The following RASGRF2 variants were observed in gnomAD, a reference collection of about 807,000 sequenced individuals.
The protein encoded by RASGRF2 is ras-specific guanine nucleotide-releasing factor 2.
A neutral mutation model predicts 151.0 loss-of-function variants in RASGRF2; 76 were observed. That is an observed-to-expected ratio of 0.50 (90% confidence interval 0.42 to 0.61). The LOEUF (loss-of-function observed/expected upper bound fraction) is 0.61. Ranked by LOEUF, RASGRF2 falls within the 20% of genes least tolerant of loss-of-function variation. The pLI, the probability that RASGRF2 is intolerant of heterozygous loss-of-function variation, is 0.00. For missense variants in RASGRF2, 1,148 were observed against 1,564.6 expected (o/e 0.73, Z 4.49); for synonymous variants, 504 against 566.5 (o/e 0.89, Z 1.57).
At chr5:81,178,923 A>G (rs1036647979) in intron 17 of RASGRF2, among the ~76,000 whole-genome samples, 2 of 152,122 alleles carry the variant, frequency 1.3e-5, no homozygotes, top group Non-Finnish European at 2.9e-5. Flanking sequence ...TATTTTTAAT[A>G]GAGACGGGGT....
At chr5:81,102,045 A>G (rs994452049) in intron 12 of RASGRF2, among the ~76,000 whole-genome samples, 1 of 152,240 alleles carries the variant, frequency 6.6e-6, no homozygotes, top group African/African-American at 2.4e-5. Context: ...ATATAAAATC[A>G]TTAAAATTAA....
At chr5:81,061,718 C>T (rs1751438976) in intron 2 of RASGRF2, among the ~76,000 whole-genome samples, 1 of 151,832 alleles carries the variant, frequency 6.6e-6, no homozygotes, top group Non-Finnish European at 1.5e-5. Context: ...GATAGGGTCT[C>T]ATTTTGTCAC....
chr5:81,194,466 T>TA lies in RASGRF2; in HGVS notation c.2794-6860dup, dbSNP rs573193148. Among the ~76,000 whole-genome samples, 301 of 152,040 alleles carry TA rather than the reference T, an allele frequency of 2.0e-3. 1 individual carries two copies. The highest frequency in any genetic ancestry group is 7.0e-3 in the African/African-American group (292 of 41,478). ...TCTTTTTTTTTTTAACTGATCCAGG[T>TA]AAAATGCTAATTTTCCTAATTATTT... is the stretch of plus-strand genomic sequence containing the variant. On this transcript the variant is annotated intron_variant, in intron 18 of 26. Transcript: ENST00000265080.
rs918487365 is a variant in RASGRF2, at chr5:80,966,472, G to A, written c.288+5446G>A. Among the ~76,000 whole-genome samples, 3 of 152,062 alleles carry A rather than the reference G, an allele frequency of 2.0e-5. No homozygotes were observed. In the East Asian group the frequency reaches 5.8e-4, roughly 29 times the overall value. On this transcript the variant is annotated intron_variant, in intron 1 of 26. Coordinates refer to ENST00000265080, the MANE Select transcript of RASGRF2 (RefSeq NM_006909.3). ...ATGTTTGATTATTTTATAACATTTG[G>A]CCTTTATTCTAAAATCTAACCATTA...
chr5:81,072,581 A>C (rs2112461717), intron 4 of RASGRF2, among the ~76,000 whole-genome samples: 1 of 152,358 alleles, frequency 6.6e-6, no homozygotes, highest in East Asian at 1.9e-4. Flanking sequence ...AATCCTAGTT[A>C]ATTATGTTAT....
chr5:80,984,413 G>C (rs1748413012), intron 1 of RASGRF2, among the ~76,000 whole-genome samples: 1 of 152,154 alleles, frequency 6.6e-6, no homozygotes, highest in African/African-American at 2.4e-5. Flanking sequence ...TTTTAGGTTA[G>C]GGTTTGTGTT....
intron 1 of RASGRF2, among the ~76,000 whole-genome samples, chr5:80,966,707 G>A (rs1370028866): frequency 2.6e-5 from 4 of 152,098 alleles, no homozygotes; most frequent in Non-Finnish European, 5.9e-5. Flanking sequence ...GGCATCAGTA[G>A]GTGGAACAGA....
In RASGRF2 at chr5:81,148,318, A is replaced by T. The variant is rs543807429; in HGVS notation, c.2686+21155A>T. 2.6e-5 allele frequency among the ~76,000 whole-genome samples: 4 copies of T among 152,294 alleles called. No individual in the cohort carries two copies. The East Asian group carries it at 7.7e-4, about 29-fold the overall frequency. ...ATTTCAAGGGACAGCTGAAGAATTA[A>T]TTGGTATGCGGCTCTCACCCAGTGA... On this transcript the variant is annotated intron_variant, in intron 17 of 26. Transcript: ENST00000265080.
chr5:81,185,023 C>T (rs1429575893), intron 18 of RASGRF2, among the ~76,000 whole-genome samples: 1 of 152,226 alleles, frequency 6.6e-6, no homozygotes, highest in Non-Finnish European at 1.5e-5. Context: ...AAATAGGTAG[C>T]AGCAACAGCC....
Position 81,094,312 on chromosome 5 carries a change from C to T in RASGRF2, c.1568C>T (p.Ser523Phe). 1 of 1,613,384 alleles carries T rather than the reference C, an allele frequency of 6.2e-7. No individual in the cohort carries two copies. ...TGTTTCCAGACAGGTGGGGTTCTGTCTCTAATAGACTGCACATTGATTGAG... is the reference window on the plus strand; with the variant it reads ...TGTTTCCAGACAGGTGGGGTTCTGTTTCTAATAGACTGCACATTGATTGAG... ...LHLLKTGGVL[S>F]LIDCTLIEEP... The change falls in exon 11 of 27, where the codon TCT becomes TTT. Residue 523 changes from serine to phenylalanine, a missense_variant. Physicochemically the swap from Ser to Phe is radical, Grantham distance 155. Transcript: ENST00000265080.
intron 26 of RASGRF2, among the ~76,000 whole-genome samples, chr5:81,222,251 T>C (rs1003195977): frequency 6.6e-6 from 1 of 152,202 alleles, no homozygotes; most frequent in African/African-American, 2.4e-5. Flanking sequence ...CTAAATATAC[T>C]GATGCCCCCA....
At chr5:81,166,130 C>T (rs1316961589) in intron 17 of RASGRF2, among the ~76,000 whole-genome samples, 1 of 152,086 alleles carries the variant, frequency 6.6e-6, no homozygotes, top group Non-Finnish European at 1.5e-5. Flanking sequence ...GACCAAAGCA[C>T]CAGCGGATTA....
chr5:80,987,542 TTACTC>T (rs1748511213), intron 1 of RASGRF2, among the ~76,000 whole-genome samples: 1 of 152,198 alleles, frequency 6.6e-6, no homozygotes, highest in Non-Finnish European at 1.5e-5. Flanking sequence ...CGTCACTTAT[TTACTC>T]TGCTAGTTTG....
At chr5:81,205,721 G>A (rs1401605893) in intron 19 of RASGRF2, among the ~76,000 whole-genome samples, 3 of 151,924 alleles carry the variant, frequency 2.0e-5, no homozygotes, top group Non-Finnish European at 4.4e-5. Flanking sequence ...ACATGGTTTG[G>A]GACCGTTTAA....
At chr5:81,215,438 T>G (rs1755715868) in intron 23 of RASGRF2, among the ~76,000 whole-genome samples, 1 of 151,898 alleles carries the variant, frequency 6.6e-6, no homozygotes, top group African/African-American at 2.4e-5. Flanking sequence ...ACCCGACTAA[T>G]TTTTGTACTT....
chr5:81,167,897 T>G (rs1019900249), intron 17 of RASGRF2, among the ~76,000 whole-genome samples: 13 of 152,226 alleles, frequency 8.5e-5, no homozygotes, highest in Admixed American at 8.5e-4. Context: ...CTTCAGATCT[T>G]AAATGGATAT....
At chr5:80,970,212 A>G (rs1180958018) in intron 1 of RASGRF2, among the ~76,000 whole-genome samples, 3 of 152,218 alleles carry the variant, frequency 2.0e-5, no homozygotes, top group South Asian at 4.1e-4. Flanking sequence ...CAGCTGGTCA[A>G]TATTATTTTA....
chr5:81,139,464 G>A (rs1180958919), intron 17 of RASGRF2, among the ~76,000 whole-genome samples: 4 of 143,982 alleles, frequency 2.8e-5, no homozygotes, highest in Admixed American at 1.4e-4. Context: ...GGATTCAAGC[G>A]ATTTGCCCAC....
At chr5:81,053,917 A>G (rs1374240269) in intron 2 of RASGRF2, among the ~76,000 whole-genome samples, 1 of 152,238 alleles carries the variant, frequency 6.6e-6, no homozygotes, top group Non-Finnish European at 1.5e-5. Flanking sequence ...GGCTGCATAA[A>G]TGTCTTCTTT....
Sources: gnomAD v4.1 joint callset for allele counts (sites outside exome capture counted in the v4.1 genomes callset) on GRCh38, gnomAD v4.1.1 for gene constraint, MANE v1.5 for transcripts, NCBI Gene and HGNC (gene_info 2026-07-23, HGNC 2026-07-21) for gene names.